Variants in KCNH8 observed in about 807,000 individuals in gnomAD.
The protein encoded by KCNH8 is voltage-gated delayed rectifier potassium channel KCNH8.
Under a neutral mutation model 103.6 loss-of-function variants are expected in KCNH8, and 70 were observed. The ratio of observed to expected loss-of-function variants is 0.68; its 90% CI spans 0.56 to 0.82. KCNH8 has a LOEUF of 0.82. KCNH8 is among the 40% of genes least tolerant of loss of function. The pLI is 0.00. For missense variants in KCNH8, 1,217 were observed against 1,329.9 expected, an observed-to-expected ratio of 0.92 and a Z score of 1.32; for synonymous variants, 498 against 489.4, an observed-to-expected ratio of 1.02 and a Z score of -0.23.
chr3:19,504,141 G>A (rs1214953090), intron 11 of KCNH8, among the ~76,000 whole-genome samples: 1 of 152,118 alleles, frequency 6.6e-6, no homozygotes, highest in East Asian at 1.9e-4. Flanking sequence ...CTAGCCATAT[G>A]CAGAAGATTG....
intron 6 of KCNH8, among the ~76,000 whole-genome samples, chr3:19,392,517 C>T (rs1293442553): frequency 6.6e-6 from 1 of 151,850 alleles, no homozygotes; most frequent in Non-Finnish European, 1.5e-5. Context: ...ATGTTTTCTT[C>T]TCAGGAAAAC....
chr3:19,381,471 G>A (rs1197838864), intron 5 of KCNH8, among the ~76,000 whole-genome samples: 1 of 152,024 alleles, frequency 6.6e-6, no homozygotes, highest in Non-Finnish European at 1.5e-5. Flanking sequence ...AATGACCTTG[G>A]GGTAGGCAGA....
intron 2 of KCNH8, among the ~76,000 whole-genome samples, chr3:19,261,405 A>G (rs1191087631): frequency 2.0e-5 from 3 of 151,820 alleles, no homozygotes; most frequent in African/African-American, 7.2e-5. Context: ...ATCTTTGGAG[A>G]AGTATTCAAG....
intron 1 of KCNH8, among the ~76,000 whole-genome samples, chr3:19,238,938 G>A (rs2064099533): frequency 6.6e-6 from 1 of 152,216 alleles, no homozygotes; most frequent in South Asian, 2.1e-4. Flanking sequence ...TTTTAAAGGA[G>A]CAAACCTAGA....
intron 1 of KCNH8, among the ~76,000 whole-genome samples, chr3:19,212,392 C>G (rs2063779700): frequency 6.6e-6 from 1 of 152,198 alleles, no homozygotes. Context: ...TGAATACCAG[C>G]TTTATCTGTG....
At chr3:19,249,516 A>C (rs763344816) in intron 1 of KCNH8, among the ~76,000 whole-genome samples, 1 of 152,196 alleles carries the variant, frequency 6.6e-6, no homozygotes, top group East Asian at 1.9e-4. Context: ...CAAACACACT[A>C]TAATCCTTAA....
At position 19,295,329 on chromosome 3, in the gene KCNH8, A is replaced by G. The variant is rs564404278; in HGVS notation, c.442+14000A>G. ...AGTTCAGGAGGTGGAGGCTGCAGTG[A>G]GCTGATAGCATGCCACTGTGCTCCA... On this transcript the variant is annotated intron_variant, in intron 3 of 15. Transcript: ENST00000328405. 2.7e-4 allele frequency among the ~76,000 whole-genome samples: 41 copies of G among 152,110 alleles called. 1 individual carries two copies. The highest frequency in any genetic ancestry group is 8.4e-4 in the African/African-American group (35 of 41,474).
chr3:19,331,570 C>T (rs930507431), intron 3 of KCNH8, among the ~76,000 whole-genome samples: 11 of 152,044 alleles, frequency 7.2e-5, no homozygotes, highest in Non-Finnish European at 1.3e-4. Flanking sequence ...GGATTACAGG[C>T]GTGAGCCACC....
At chr3:19,288,078 C>G (rs1210437577) in intron 3 of KCNH8, among the ~76,000 whole-genome samples, 1 of 151,268 alleles carries the variant, frequency 6.6e-6, no homozygotes, top group Non-Finnish European at 1.5e-5. Flanking sequence ...TCAGATTTTC[C>G]TGATCTACTT....
chr3:19,233,886 G>C (rs1477823198), intron 1 of KCNH8, among the ~76,000 whole-genome samples: 3 of 152,124 alleles, frequency 2.0e-5, no homozygotes, highest in Non-Finnish European at 4.4e-5. Flanking sequence ...TGGTGGGTTC[G>C]TGGTCTCACT....
At chr3:19,291,593 A>G (rs181328533) in intron 3 of KCNH8, among the ~76,000 whole-genome samples, 30 of 152,276 alleles carry the variant, frequency 2.0e-4, no homozygotes, top group African/African-American at 5.5e-4. Context: ...GTTTGATTGC[A>G]CTGTGGTCTG....
At chr3:19,186,662 G>T (rs570042242) in intron 1 of KCNH8, among the ~76,000 whole-genome samples, 1 of 152,148 alleles carries the variant, frequency 6.6e-6, no homozygotes, top group African/African-American at 2.4e-5. Flanking sequence ...ACATGTTAAA[G>T]ATTTTGTTTA....
chr3:19,314,566 T>C (rs895972527), intron 3 of KCNH8, among the ~76,000 whole-genome samples: 6 of 151,772 alleles, frequency 4.0e-5, no homozygotes, highest in Admixed American at 2.0e-4. Flanking sequence ...CAAAACCCTG[T>C]CTCTAAACAA....
In KCNH8 at chr3:19,390,623, T is replaced by C. The variant is rs780056175; in HGVS notation, c.954T>C (p.Ala318=). ...CCCTGCCTTTTGATCTTCTGTATGCTTTCAACGTCACAGTGGTGAGTAAAG... is the reference window on the plus strand; with the variant it reads ...CCCTGCCTTTTGATCTTCTGTATGCCTTCAACGTCACAGTGGTGAGTAAAG... ...IAALPFDLLY[A]FNVTVVSLVH... The change falls in exon 6 of 16, where the codon GCT becomes GCC. Residue 318 remains alanine, a synonymous_variant. Transcript: ENST00000328405. 2 of 1,612,918 alleles carry C rather than the reference T, an allele frequency of 1.2e-6. No homozygotes were observed. Among genetic ancestry groups the C allele is most frequent in the African/African-American group, 2.7e-5 (2 of 74,964 alleles).
chr3:19,376,605 G>A (rs1415346773), intron 5 of KCNH8, among the ~76,000 whole-genome samples: 11 of 152,118 alleles, frequency 7.2e-5, no homozygotes, highest in Admixed American at 7.2e-4. Flanking sequence ...GTTCCTATTC[G>A]GCCATCTTGG....
chr3:19,206,357 T>C (rs1241513786), intron 1 of KCNH8, among the ~76,000 whole-genome samples: 2 of 151,544 alleles, frequency 1.3e-5, no homozygotes, highest in African/African-American at 2.4e-5. Flanking sequence ...ATTGTGCTGC[T>C]ATAAACGTGT....
At chr3:19,342,244 G>C (rs2065670215) in intron 3 of KCNH8, among the ~76,000 whole-genome samples, 2 of 152,054 alleles carry the variant, frequency 1.3e-5, no homozygotes, top group African/African-American at 2.4e-5. Context: ...AATTTTTCTG[G>C]AAAGAATGTT....
intron 5 of KCNH8, among the ~76,000 whole-genome samples, chr3:19,384,162 A>G (rs1346101865): frequency 6.6e-6 from 1 of 152,258 alleles, no homozygotes; most frequent in Non-Finnish European, 1.5e-5. Context: ...AGTGGGGAAT[A>G]TTAAAGATCC....
chr3:19,210,191 A>G (rs1420069937), intron 1 of KCNH8, among the ~76,000 whole-genome samples: 1 of 152,114 alleles, frequency 6.6e-6, no homozygotes, highest in Non-Finnish European at 1.5e-5. Context: ...ACATTTTGTG[A>G]GTGAAGAGAT....
Sources: allele counts gnomAD v4.1 joint callset (sites outside exome capture counted in the v4.1 genomes callset), GRCh38; gene constraint gnomAD v4.1.1; transcripts MANE v1.5; gene names NCBI Gene and HGNC (gene_info 2026-07-23, HGNC 2026-07-21).